FER1L6: variants seen among roughly 807,000 people sequenced by gnomAD.
The protein encoded by FER1L6 is fer-1-like protein 6.
In FER1L6, 177 loss-of-function variants were observed where a neutral mutation model predicts 219.2. That is an observed-to-expected ratio of 0.81 (90% CI 0.71 to 0.91). The LOEUF (loss-of-function observed/expected upper bound fraction) is 0.91, where lower values mean the gene tolerates loss of function less well. Ranked by LOEUF, FER1L6 falls within the 40% of genes least tolerant of loss-of-function variation. The probability of loss-of-function intolerance (pLI) is 0.00; values close to 1 mark genes in which losing one functional copy is unlikely to be tolerated. For missense variants in FER1L6, 2,153 were observed against 2,259.9 expected (o/e 0.95, Z 0.96); for synonymous variants, 768 against 824.3 (o/e 0.93, Z 1.17).
At chr8:124,054,435 T>TTAAC (rs1425461419) in intron 22 of FER1L6, among the ~76,000 whole-genome samples, 2 of 152,204 alleles carry the variant, frequency 1.3e-5, no homozygotes, top group Non-Finnish European at 2.9e-5. Flanking sequence ...AACTTTTTTT[T>TTAAC]TAACTTCTTT....
At chr8:124,065,417 A>G (rs1342200008) in intron 26 of FER1L6, among the ~76,000 whole-genome samples, 1 of 151,594 alleles carries the variant, frequency 6.6e-6, no homozygotes, top group African/African-American at 2.4e-5. Context: ...AAAAAAAAAA[A>G]AAAAGCAGCT....
At chr8:123,901,227 G>C (rs891894732) in intron 1 of FER1L6, among the ~76,000 whole-genome samples, 1 of 152,118 alleles carries the variant, frequency 6.6e-6, no homozygotes, top group Non-Finnish European at 1.5e-5. Flanking sequence ...CCTGATTTAA[G>C]CTAGGAGGGT....
chr8:123,966,384 C>CCTG (rs1449771609), intron 5 of FER1L6, 94 bp downstream of exon 5: 117 of 1,499,038 alleles, frequency 7.8e-5, no homozygotes, highest in Non-Finnish European at 1.0e-4. Context: ...CTGTGCCCCT[C>CCTG]CTGCCTCCCT....
intron 1 of FER1L6, among the ~76,000 whole-genome samples, chr8:123,860,228 G>A (rs978315588): frequency 2.4e-5 from 2 of 83,984 alleles, no homozygotes; most frequent in African/African-American, 5.3e-5. Context: ...AGAATATGCG[G>A]TGTTTGGTTT....
chr8:123,892,418 A>G (rs930765744), intron 1 of FER1L6, among the ~76,000 whole-genome samples: 1 of 152,090 alleles, frequency 6.6e-6, no homozygotes, highest in South Asian at 2.1e-4. Context: ...CAGCCCCGCA[A>G]GTAGCTGGGA....
chr8:123,966,245 G>A lies in FER1L6; in HGVS notation c.339G>A (p.Lys113=), dbSNP rs544428061. Residue 113 remains lysine, a synonymous_variant, in exon 5 of 41, where the codon AAG becomes AAA. Coordinates refer to ENST00000522917, the MANE Select transcript of FER1L6 (RefSeq NM_001039112.2). ...VVTIEIGDEK[K]QSTVKEGTNS... is the part of the protein sequence containing the mutation. ...CCATTGAGATTGGGGATGAGAAGAA[G>A]CAAAGCACAGTGAAGGAAGGAACCA... 6.2e-7 allele frequency: 1 copy of A among 1,614,168 alleles called. No individual in the cohort carries two copies. Among genetic ancestry groups the A allele is most frequent in the East Asian group, 2.2e-5 (1 of 44,876 alleles).
chr8:123,953,503 G>A (rs1478381533), intron 1 of FER1L6, among the ~76,000 whole-genome samples: 1 of 152,130 alleles, frequency 6.6e-6, no homozygotes, highest in African/African-American at 2.4e-5. Flanking sequence ...GGGCAGGGGT[G>A]CCTGTCTCTA....
intron 1 of FER1L6, among the ~76,000 whole-genome samples, chr8:123,900,156 G>A (rs893285524): frequency 6.6e-6 from 1 of 151,846 alleles, no homozygotes; most frequent in African/African-American, 2.4e-5. Flanking sequence ...TTGTTTGTGT[G>A]GTCTATGATT....
chr8:123,944,318 A>C (rs1465503973), intron 1 of FER1L6, among the ~76,000 whole-genome samples: 1 of 149,226 alleles, frequency 6.7e-6, no homozygotes, highest in African/African-American at 2.4e-5. Context: ...TATATTTAAC[A>C]CATAAATTCA....
chr8:123,931,355 G>C (rs1384358360), intron 1 of FER1L6, among the ~76,000 whole-genome samples: 1 of 152,142 alleles, frequency 6.6e-6, no homozygotes, highest in Non-Finnish European at 1.5e-5. Context: ...CCTCTTTGTG[G>C]GATCAAGGAG....
At chr8:123,963,501 C>T in intron 3 of FER1L6, 103 bp downstream of exon 3, 1 of 1,361,098 alleles carries the variant, frequency 7.3e-7, no homozygotes, top group East Asian at 2.3e-5. Flanking sequence ...AAGACATAGT[C>T]ACTGTCTACA....
intron 39 of FER1L6, among the ~76,000 whole-genome samples, chr8:124,110,647 A>T (rs1488663941): frequency 6.6e-6 from 1 of 152,234 alleles, no homozygotes; most frequent in Non-Finnish European, 1.5e-5. Context: ...TCCTCCTTTT[A>T]TATAGCTGAG....
intron 18 of FER1L6, among the ~76,000 whole-genome samples, chr8:124,034,777 G>T (rs913855139): frequency 1.3e-5 from 2 of 152,172 alleles, no homozygotes; most frequent in African/African-American, 4.8e-5. Context: ...AAAAAGTCAG[G>T]TTGGAACTCC....
In FER1L6 at chr8:123,853,345, G is replaced by A. The variant is rs902009130; in HGVS notation, c.-8+1160G>A. 6.6e-6 allele frequency among the ~76,000 whole-genome samples: 1 copy of A among 152,084 alleles called. No individual in the cohort carries two copies. Among genetic ancestry groups the A allele is most frequent in the Non-Finnish European group, 1.5e-5 (1 of 68,022 alleles). ...AATTTCTGTATTTTTAGAGAAGACG[G>A]GGTTTCACCATGACGGCCAGGATGG... On this transcript the variant is annotated intron_variant, in intron 1 of 40. Transcript: ENST00000522917. This position sits in a 1 kb window ranked among gnomAD's most constrained non-coding sequence, Gnocchi z 6.6.
chr8:124,039,846 C>T lies in FER1L6; in HGVS notation c.2465-36C>T, dbSNP rs757247561. 4 of 1,613,452 alleles carry T rather than the reference C, an allele frequency of 2.5e-6. No individual in the cohort carries two copies. In the African/African-American group the frequency reaches 4.0e-5, roughly 16 times the overall value. ...GTGCACACACTGTTCTTGAAAAGCC[C>T]ACTAACACCTGCCCCCTTCCATGAT... On this transcript the variant is annotated intron_variant, in intron 19 of 40. Transcript: ENST00000522917.
At chr8:124,092,281 T>G (rs1822069142) in intron 34 of FER1L6, among the ~76,000 whole-genome samples, 1 of 152,206 alleles carries the variant, frequency 6.6e-6, no homozygotes, top group Admixed American at 6.5e-5. Flanking sequence ...CTTTTTTTTG[T>G]AGTGACAATG....
In FER1L6 at chr8:123,901,787, C is replaced by T. The variant is rs576642037; in HGVS notation, c.-8+49602C>T. On this transcript the variant is annotated intron_variant, in intron 1 of 40. Coordinates refer to ENST00000522917, the MANE Select transcript of FER1L6 (RefSeq NM_001039112.2). Reference sequence around the variant, plus strand: ...AGTTTGGAGTGCAGTGGTGTGATCTCGGCTCATTGCAAGCTCCACCTCCCG... The same window carrying T: ...AGTTTGGAGTGCAGTGGTGTGATCTTGGCTCATTGCAAGCTCCACCTCCCG... Among the ~76,000 whole-genome samples the T allele has an allele frequency of 1.5e-4, 22 of 150,066 alleles. No individual in the cohort carries two copies. The South Asian group carries it at 3.0e-3, about 20-fold the overall frequency.
Position 123,988,114 on chromosome 8 carries a change from C to CAAA in FER1L6, c.1519+1947_1519+1949dup. 1.4e-5 allele frequency among the ~76,000 whole-genome samples: 2 copies of CAAA among 141,504 alleles called. 1 individual carries two copies. The highest frequency in any genetic ancestry group is 5.3e-5 in the African/African-American group (2 of 37,994). 92.8% of individuals were successfully genotyped at this position (141,504 alleles called of 152,430 possible). ...CTCAAAAAAACCAGACAGCATGTCT[C>CAAA]AAAAAAAAAAAGAGTTCAGTATAGA... is the stretch of plus-strand genomic sequence containing the variant. On this transcript the variant is annotated intron_variant, in intron 12 of 40. Transcript: ENST00000522917.
chr8:123,941,461 A>G (rs1367026437), intron 1 of FER1L6, among the ~76,000 whole-genome samples: 1 of 152,204 alleles, frequency 6.6e-6, no homozygotes, highest in East Asian at 1.9e-4. Context: ...CACTGAAGGA[A>G]GGTGGTGTGG....
Sources: allele counts gnomAD v4.1 joint callset (sites outside exome capture counted in the v4.1 genomes callset), GRCh38; gene constraint gnomAD v4.1.1; non-coding constraint Gnocchi (gnomAD v3.1); transcripts MANE v1.5; gene names NCBI Gene and HGNC (gene_info 2026-07-23, HGNC 2026-07-21).